TMEM132D: variants seen among roughly 807,000 people sequenced by gnomAD.
TMEM132D encodes transmembrane protein 132D.
A neutral mutation model predicts 62.3 loss-of-function variants in TMEM132D; 21 were observed. That is an observed-to-expected ratio of 0.34 (90% confidence interval 0.24 to 0.49). The LOEUF (loss-of-function observed/expected upper bound fraction) is 0.49, where lower values mean the gene tolerates loss of function less well. TMEM132D is among the 20% of genes least tolerant of loss of function. TMEM132D has a pLI of 0.99. For synonymous variants in TMEM132D, 621 were observed against 575.6 expected, an observed-to-expected ratio of 1.08 and a Z score of -1.13; for missense variants, 1,346 against 1,402.8, an observed-to-expected ratio of 0.96 and a Z score of 0.65.
rs565342485 is a variant in TMEM132D, at chr12:129,273,636, G to A, written c.1300-63973C>T. Among the ~76,000 whole-genome samples the A allele has an allele frequency of 2.6e-5, 4 of 151,860 alleles. No individual in the cohort carries two copies. The South Asian group carries it at 8.3e-4, about 31-fold the overall frequency. ...TTGCAGCCACATGGATGCAGCTGGA[G>A]GTCATTATCCTAAGCCAATTAATGC... On this transcript the variant is annotated intron_variant, in intron 4 of 8. Transcript: ENST00000422113.
intron 4 of TMEM132D, chr12:129,262,847 T>C (rs1224272469): frequency 6.6e-6 from 1 of 152,192 alleles, no homozygotes; most frequent in South Asian, 2.1e-4. Context: ...CAACAACTCA[T>C]AGTTCAGTTC....
chr12:129,173,120 A>G (rs1265425493), intron 5 of TMEM132D, among the ~76,000 whole-genome samples: 1 of 152,210 alleles, frequency 6.6e-6, no homozygotes, highest in Non-Finnish European at 1.5e-5. Flanking sequence ...GTGAGAGTTG[A>G]CCAAATGTGA....
At chr12:129,465,501 C>A (rs1282756453) in intron 3 of TMEM132D, among the ~76,000 whole-genome samples, 1 of 152,122 alleles carries the variant, frequency 6.6e-6, no homozygotes, top group Non-Finnish European at 1.5e-5. Context: ...AAGAGGAAGT[C>A]AAATTGTCCC....
At chr12:129,768,048 T>A (rs1820720181) in intron 1 of TMEM132D, among the ~76,000 whole-genome samples, 1 of 152,114 alleles carries the variant, frequency 6.6e-6, no homozygotes, top group South Asian at 2.1e-4. Flanking sequence ...GAAAGACCCA[T>A]CACCATGATT....
rs921410405 is a variant in TMEM132D at position 129,131,561 on chromosome 12, C to T, written c.1444-46859G>A. Among the ~76,000 whole-genome samples the T allele has an allele frequency of 3.3e-5, 5 of 152,116 alleles. No homozygotes were observed. The East Asian group carries it at 9.7e-4, about 29-fold the overall frequency. On this transcript the variant is annotated intron_variant, in intron 5 of 8. Transcript: ENST00000422113. ...GGTGGAGGTTGCAGTGAGCCAAGAT[C>T]GTGGCCACTGCACTCCAGCTTGGGT...
chr12:129,273,435 CA>C (rs36073067), intron 4 of TMEM132D, among the ~76,000 whole-genome samples: 36,335 of 113,312 alleles, frequency 0.32, 4,712 homozygotes, highest in Middle Eastern at 0.36. Context: ...ATCAGCCTGT[CA>C]AAAAAAAAAA....
chr12:129,811,821 C>G (rs1273052761), intron 1 of TMEM132D, among the ~76,000 whole-genome samples: 1 of 151,640 alleles, frequency 6.6e-6, no homozygotes, highest in Non-Finnish European at 1.5e-5. Context: ...AGCAGAAAGC[C>G]ACCCCAGCTG....
At chr12:129,272,244 C>T (rs1172849112) in intron 4 of TMEM132D, among the ~76,000 whole-genome samples, 2 of 151,824 alleles carry the variant, frequency 1.3e-5, no homozygotes, top group Admixed American at 6.6e-5. Flanking sequence ...ATCCTAGGCC[C>T]ACCCCAGACC....
rs367564872 is a variant in TMEM132D at position 129,544,236 on chromosome 12, G to A, written c.969-13031C>T. Reference sequence around the variant, plus strand: ...TTGAATTTTTGTTTTTAAGTTAAACGTCTGTTCAAATCCTTTGTCCATTTC... The same window carrying A: ...TTGAATTTTTGTTTTTAAGTTAAACATCTGTTCAAATCCTTTGTCCATTTC... On this transcript the variant is annotated intron_variant, in intron 2 of 8. Transcript: ENST00000422113. Among the ~76,000 whole-genome samples, 87 of 152,152 alleles carry A rather than the reference G, an allele frequency of 5.7e-4. 1 individual carries two copies. The highest frequency in any genetic ancestry group is 1.8e-3 in the Admixed American group (27 of 15,290).
At chr12:129,502,201 G>C (rs1351570558) in intron 3 of TMEM132D, among the ~76,000 whole-genome samples, 2 of 151,948 alleles carry the variant, frequency 1.3e-5, no homozygotes, top group African/African-American at 4.8e-5. Flanking sequence ...GGGTTTCACT[G>C]TGTTAGCCAG....
intron 3 of TMEM132D, among the ~76,000 whole-genome samples, chr12:129,436,360 G>A (rs1300393822): frequency 5.9e-5 from 9 of 152,028 alleles, no homozygotes; most frequent in Non-Finnish European, 1.3e-4. Flanking sequence ...ATGCATCATC[G>A]AAAGGTATGA....
At chr12:129,315,527 G>A (rs916707092) in intron 4 of TMEM132D, among the ~76,000 whole-genome samples, 4 of 152,176 alleles carry the variant, frequency 2.6e-5, no homozygotes, top group Non-Finnish European at 4.4e-5. Context: ...TTTTCGATAT[G>A]TTTTTGGATA....
chr12:129,250,447 G>A (rs1345772850), intron 4 of TMEM132D, among the ~76,000 whole-genome samples: 7 of 152,016 alleles, frequency 4.6e-5, no homozygotes, highest in Admixed American at 2.6e-4. Context: ...TGTAAATTGC[G>A]TGGAGACCAG....
At chr12:129,192,325 G>T (rs948979003) in intron 5 of TMEM132D, among the ~76,000 whole-genome samples, 2 of 152,022 alleles carry the variant, frequency 1.3e-5, no homozygotes, top group African/African-American at 4.8e-5. Flanking sequence ...GACCTCCAAA[G>T]TAAGAAGTGT....
At chr12:129,774,845 G>A (rs1054342076) in intron 1 of TMEM132D, among the ~76,000 whole-genome samples, 13 of 152,160 alleles carry the variant, frequency 8.5e-5, no homozygotes, top group South Asian at 2.1e-4. Flanking sequence ...CCAGTCTACC[G>A]CTTTCGGCAG....
At chr12:129,703,774 T>C (rs1025988720) in intron 1 of TMEM132D, among the ~76,000 whole-genome samples, 7 of 152,098 alleles carry the variant, frequency 4.6e-5, no homozygotes, top group African/African-American at 1.7e-4. Flanking sequence ...TGGGAGAGAT[T>C]TTGTATTAAT....
intron 3 of TMEM132D, among the ~76,000 whole-genome samples, chr12:129,464,030 G>C (rs1476964481): frequency 6.6e-6 from 1 of 150,748 alleles, no homozygotes; most frequent in East Asian, 1.9e-4. Flanking sequence ...TCTAGTTCTA[G>C]ATCCTTGAGG....
At chr12:129,196,144 A>T (rs1456966952) in intron 5 of TMEM132D, among the ~76,000 whole-genome samples, 1 of 152,128 alleles carries the variant, frequency 6.6e-6, no homozygotes, top group African/African-American at 2.4e-5. Context: ...GAAAAAAAAA[A>T]GAGTTTATGG....
intron 1 of TMEM132D, among the ~76,000 whole-genome samples, chr12:129,818,494 T>C (rs923828395): frequency 1.3e-5 from 2 of 150,612 alleles, no homozygotes; most frequent in Non-Finnish European, 3.0e-5. Flanking sequence ...GTGTGTGGTG[T>C]GTGTATGTGT....
Sources: gnomAD v4.1 joint callset for allele counts (sites outside exome capture counted in the v4.1 genomes callset) on GRCh38, gnomAD v4.1.1 for gene constraint, MANE v1.5 for transcripts, NCBI Gene and HGNC (gene_info 2026-07-23, HGNC 2026-07-21) for gene names.